The following ARHGAP15 variants were observed in gnomAD, a reference collection of about 807,000 sequenced individuals.
The protein encoded by ARHGAP15 is rho GTPase-activating protein 15.
Under a neutral mutation model 63.7 loss-of-function variants are expected in ARHGAP15, and 51 were observed. The ratio of observed to expected loss-of-function variants is 0.80; its 90% confidence interval spans 0.64 to 1.01. The LOEUF is 1.01. Among genes scored for constraint, ARHGAP15 ranks in the 50% least tolerant of loss-of-function variants. The pLI is 0.00. For synonymous variants in ARHGAP15, 191 were observed against 193.8 expected (o/e 0.99, Z 0.12); for missense variants, 560 against 564.6 (o/e 0.99, Z 0.08).
intron 12 of ARHGAP15, among the ~76,000 whole-genome samples, chr2:143,680,984 G>A (rs1466339735): frequency 1.3e-5 from 2 of 152,184 alleles, no homozygotes; most frequent in East Asian, 1.9e-4. Flanking sequence ...ATAGTAGCCT[G>A]CCAAAATGTG....
rs375995730 is a variant in ARHGAP15, at chr2:143,632,853, A to C, written c.1138+8586A>C. The stretch of plus-strand genomic sequence containing the variant: ...CTTGACTTTATCTTGCCCTTTGGTC[A>C]AACTATTTCTGATGCATCATCAACT... On this transcript the variant is annotated intron_variant, in intron 12 of 13. Coordinates refer to ENST00000295095, the MANE Select transcript of ARHGAP15 (RefSeq NM_018460.4). Among the ~76,000 whole-genome samples the C allele has an allele frequency of 1.5e-4, 23 of 152,278 alleles. No homozygotes were observed. In the East Asian group the frequency reaches 3.7e-3, roughly 24 times the overall value.
intron 3 of ARHGAP15, among the ~76,000 whole-genome samples, chr2:143,205,746 A>G (rs1692306227): frequency 1.3e-5 from 2 of 152,018 alleles, no homozygotes; most frequent in South Asian, 4.1e-4. Flanking sequence ...TAGCAAACAT[A>G]TATCTAGGAT....
intron 1 of ARHGAP15, among the ~76,000 whole-genome samples, chr2:143,136,388 C>T (rs946647653): frequency 3.0e-4 from 46 of 151,734 alleles, no homozygotes; most frequent in Admixed American, 2.9e-3. Flanking sequence ...GTGAATACAG[C>T]ACAACATGAC....
chr2:143,706,839 C>T (rs552630221), intron 13 of ARHGAP15, among the ~76,000 whole-genome samples: 30 of 152,248 alleles, frequency 2.0e-4, no homozygotes, highest in African/African-American at 6.5e-4. Context: ...ACTGACATTA[C>T]AGTGATAGGC....
intron 3 of ARHGAP15, among the ~76,000 whole-genome samples, chr2:143,205,333 C>G (rs1692290643): frequency 6.6e-6 from 1 of 151,488 alleles, no homozygotes; most frequent in Non-Finnish European, 1.5e-5. Context: ...ATGTACACTT[C>G]TGTTACCTTA....
intron 2 of ARHGAP15, among the ~76,000 whole-genome samples, chr2:143,183,111 C>G (rs756655529): frequency 5.5e-4 from 84 of 152,212 alleles, no homozygotes; most frequent in Non-Finnish European, 1.1e-3. Context: ...GGGATACTCA[C>G]TGACTTTGAG....
intron 5 of ARHGAP15, among the ~76,000 whole-genome samples, chr2:143,240,166 ACT>A (rs1285595769): frequency 6.6e-6 from 1 of 151,596 alleles, no homozygotes; most frequent in Non-Finnish European, 1.5e-5. Flanking sequence ...ATAGAATGAG[ACT>A]CTGTCTCTAA....
intron 13 of ARHGAP15, among the ~76,000 whole-genome samples, chr2:143,735,526 C>A (rs1013736068): frequency 1.3e-5 from 2 of 152,182 alleles, no homozygotes; most frequent in African/African-American, 2.4e-5. Context: ...GGCAAGTAAG[C>A]TTCTCTCTCA....
At chr2:143,625,516 T>G (rs1272274860) in intron 12 of ARHGAP15, among the ~76,000 whole-genome samples, 4 of 152,170 alleles carry the variant, frequency 2.6e-5, no homozygotes, top group Non-Finnish European at 5.9e-5. Context: ...AACAATACTC[T>G]AAAGATGGGT....
Position 143,515,725 on chromosome 2 carries a change from G to A in ARHGAP15, c.827-3541G>A, listed in dbSNP as rs1439453730. ...AGATGATTTTCACTTTCTGTCATAT[G>A]AGTGGCTTCTAAAAACAAGAAAGAA... On this transcript the variant is annotated intron_variant, in intron 9 of 13. Transcript: ENST00000295095. 3.3e-5 allele frequency among the ~76,000 whole-genome samples: 5 copies of A among 152,138 alleles called. No homozygotes were observed. In the East Asian group the frequency reaches 9.6e-4, roughly 29 times the overall value.
intron 8 of ARHGAP15, among the ~76,000 whole-genome samples, chr2:143,440,636 T>G (rs1311250346): frequency 6.6e-6 from 1 of 152,248 alleles, no homozygotes; most frequent in Non-Finnish European, 1.5e-5. Context: ...CAGAAAGTTA[T>G]GTTTACATAT....
chr2:143,693,207 C>G (rs888272133), intron 12 of ARHGAP15, among the ~76,000 whole-genome samples: 2 of 152,184 alleles, frequency 1.3e-5, no homozygotes, highest in African/African-American at 4.8e-5. Context: ...AACACCACAT[C>G]TAAACCTCTT....
intron 11 of ARHGAP15, chr2:143,572,190 G>A (rs1696487989): frequency 6.6e-6 from 1 of 152,222 alleles, no homozygotes; most frequent in South Asian, 2.1e-4. Flanking sequence ...GCAAAGCTGT[G>A]CCTGCCAGAT....
intron 8 of ARHGAP15, among the ~76,000 whole-genome samples, chr2:143,478,218 A>G (rs1691913510): frequency 6.6e-6 from 1 of 152,186 alleles, no homozygotes; most frequent in Non-Finnish European, 1.5e-5. Flanking sequence ...ACCCAGATGT[A>G]TTCTTCAACT....
At chr2:143,169,040 C>A (rs1216250426) in intron 2 of ARHGAP15, among the ~76,000 whole-genome samples, 2 of 152,022 alleles carry the variant, frequency 1.3e-5, no homozygotes, top group African/African-American at 4.8e-5. Context: ...TGGCCAAGGG[C>A]CTCTTTAGAA....
chr2:143,439,422 C>CAAAAAAAAAAAACAAAAA (rs1689767714), intron 8 of ARHGAP15, among the ~76,000 whole-genome samples: 1 of 31,736 alleles, frequency 3.2e-5, no homozygotes, highest in Non-Finnish European at 5.9e-5. Flanking sequence ...GACTCTGTCT[C>CAAAAAAAAAAAACAAAAA]AAAAAAAAAA....
intron 6 of ARHGAP15, among the ~76,000 whole-genome samples, chr2:143,375,249 A>G (rs567801840): frequency 1.1e-4 from 16 of 152,316 alleles, no homozygotes; most frequent in African/African-American, 3.8e-4. Flanking sequence ...ACTAACATCT[A>G]TCTAGATGAG....
intron 2 of ARHGAP15, among the ~76,000 whole-genome samples, chr2:143,157,318 A>T (rs1157426582): frequency 6.6e-6 from 1 of 151,978 alleles, no homozygotes; most frequent in African/African-American, 2.4e-5. Flanking sequence ...CTTAAAACTA[A>T]TGAGCATTTC....
chr2:143,637,447 A>G (rs969148039), intron 12 of ARHGAP15, among the ~76,000 whole-genome samples: 1 of 152,096 alleles, frequency 6.6e-6, no homozygotes, highest in Non-Finnish European at 1.5e-5. Flanking sequence ...GTACCATGGT[A>G]CAAGAGAATT....
Sources: allele counts gnomAD v4.1 joint callset (sites outside exome capture counted in the v4.1 genomes callset), GRCh38; gene constraint gnomAD v4.1.1; transcripts MANE v1.5; gene names NCBI Gene and HGNC (gene_info 2026-07-23, HGNC 2026-07-21).